Variants in DOK5 observed in about 807,000 individuals in gnomAD.
DOK5 encodes docking protein 5, also known as downstream of tyrosine kinase 5.
Under a neutral mutation model 43.3 loss-of-function variants are expected in DOK5, and 27 were observed. The observed-to-expected ratio is 0.62, with a 90% CI of 0.46 to 0.86. The LOEUF (loss-of-function observed/expected upper bound fraction) is 0.86, where lower values mean the gene tolerates loss of function less well. Among genes scored for constraint, DOK5 ranks in the 40% least tolerant of loss-of-function variants. DOK5 has a pLI of 0.00. For missense variants in DOK5, 373 were observed against 392.9 expected (o/e 0.95, Z 0.43); for synonymous variants, 146 against 140.1 (o/e 1.04, Z -0.30).
At chr20:54,603,926 C>T (rs991486832) in intron 5 of DOK5, among the ~76,000 whole-genome samples, 2 of 145,842 alleles carry the variant, frequency 1.4e-5, no homozygotes, top group African/African-American at 5.1e-5. Context: ...TTGTACTCCA[C>T]TTGTTCAAAC....
intron 5 of DOK5, among the ~76,000 whole-genome samples, chr20:54,601,120 C>A (rs1361647289): frequency 6.6e-6 from 1 of 152,168 alleles, no homozygotes; most frequent in African/African-American, 2.4e-5. Flanking sequence ...TAGGGACCCT[C>A]CAGGAGCAGC....
chr20:54,499,149 T>A (rs866847022), intron 1 of DOK5, among the ~76,000 whole-genome samples: 32 of 152,338 alleles, frequency 2.1e-4, no homozygotes, highest in African/African-American at 7.0e-4. Context: ...AATTAATTCT[T>A]AATTTAACTC....
At chr20:54,645,556 C>T (rs1979372155) in intron 7 of DOK5, among the ~76,000 whole-genome samples, 1 of 152,142 alleles carries the variant, frequency 6.6e-6, no homozygotes, top group South Asian at 2.1e-4. Flanking sequence ...AACTCCTGCT[C>T]ACCTCCAGGT....
At chr20:54,610,616 T>A (rs1986616528) in intron 6 of DOK5, 93 bp downstream of exon 6, 1 of 1,269,326 alleles carries the variant, frequency 7.9e-7, no homozygotes, top group African/African-American at 1.5e-5. Flanking sequence ...TCAGCATTAT[T>A]TGAGCAGATG....
intron 1 of DOK5, among the ~76,000 whole-genome samples, chr20:54,488,569 AAG>A (rs1982033107): frequency 6.6e-6 from 1 of 151,826 alleles, no homozygotes; most frequent in African/African-American, 2.4e-5. Context: ...TTTCTTCTGT[AAG>A]AGAGGGAATG....
rs773950597 is a variant in DOK5, at chr20:54,588,537, A to G, written c.229A>G (p.Lys77Glu). ...AGCTCGATTGCCAAAAAGCACCAAG[A>G]AACATGCCATAGGGATTTATTTCAA... is the stretch of plus-strand genomic sequence containing the variant. ...NVARLPKSTK[K>E]HAIGIYFNDD... The change falls in exon 3 of 8, where the codon AAA becomes GAA. Residue 77 changes from lysine to glutamate, a missense_variant. Coordinates refer to ENST00000262593, the MANE Select transcript of DOK5 (RefSeq NM_018431.5). 3 of 1,614,064 alleles carry G rather than the reference A, an allele frequency of 1.9e-6. No homozygotes were observed. Among genetic ancestry groups the G allele is most frequent in the Admixed American group, 1.7e-5 (1 of 60,008 alleles).
intron 2 of DOK5, among the ~76,000 whole-genome samples, chr20:54,573,997 T>C (rs1985376494): frequency 6.6e-6 from 1 of 152,186 alleles, no homozygotes; most frequent in African/African-American, 2.4e-5. Context: ...GACTGATTTT[T>C]CAGGCAGTGC....
chr20:54,519,497 T>A (rs1983318038), intron 1 of DOK5, among the ~76,000 whole-genome samples: 2 of 152,220 alleles, frequency 1.3e-5, no homozygotes, highest in Non-Finnish European at 2.9e-5. Context: ...AAAGTTACTA[T>A]TGCCCATATC....
chr20:54,515,165 C>G (rs916322569), intron 1 of DOK5, among the ~76,000 whole-genome samples: 1 of 152,018 alleles, frequency 6.6e-6, no homozygotes, highest in African/African-American at 2.4e-5. Context: ...CGCCCGCCAC[C>G]ACACCCAGCT....
At chr20:54,597,368 A>C (rs1986175155) in intron 5 of DOK5, among the ~76,000 whole-genome samples, 1 of 152,190 alleles carries the variant, frequency 6.6e-6, no homozygotes. Flanking sequence ...ACAGGCACAG[A>C]ATAGTCCTTG....
intron 7 of DOK5, among the ~76,000 whole-genome samples, chr20:54,647,334 A>T (rs1384041441): frequency 6.6e-6 from 1 of 151,822 alleles, no homozygotes; most frequent in Admixed American, 6.6e-5. Flanking sequence ...GTGAAACCCC[A>T]CCTCTACTAA....
intron 1 of DOK5, among the ~76,000 whole-genome samples, chr20:54,524,015 C>T (rs1983500179): frequency 6.6e-6 from 1 of 152,156 alleles, no homozygotes. Context: ...AAAAGTTGTT[C>T]TGGGACTAAA....
At chr20:54,484,623 T>C (rs954823084) in intron 1 of DOK5, among the ~76,000 whole-genome samples, 1 of 152,182 alleles carries the variant, frequency 6.6e-6, no homozygotes, top group Admixed American at 6.5e-5. Context: ...ACAGTCTTCT[T>C]ATATAGCTGC....
chr20:54,480,947 CTATCATCT>C lies in DOK5; in HGVS notation c.66+4936_66+4943del, dbSNP rs1353714907. On this transcript the variant is annotated intron_variant, in intron 1 of 7. Transcript: ENST00000262593. ...TATCAATCATCTATCATCTATCTAT[CTATCATCT>C]ATCTATCATCTATCATCTATCTATC... Among the ~76,000 whole-genome samples the C allele has an allele frequency of 3.5e-4, 50 of 141,516 alleles. 1 individual carries two copies. Among genetic ancestry groups the C allele is most frequent in the Admixed American group, 2.0e-3 (28 of 14,356 alleles). The allele number at this position is 141,516 out of a possible 152,430, so 92.8% of individuals were successfully genotyped here. A position where few individuals can be genotyped will look rare whatever the true frequency, so the allele number is the denominator to read the frequency against.
At chr20:54,516,304 T>G (rs1478282315) in intron 1 of DOK5, among the ~76,000 whole-genome samples, 1 of 152,222 alleles carries the variant, frequency 6.6e-6, no homozygotes, top group African/African-American at 2.4e-5. Context: ...GTTGTTTTAT[T>G]CAAATTGGGG....
At chr20:54,613,565 T>C (rs1378903518) in intron 6 of DOK5, among the ~76,000 whole-genome samples, 1 of 151,450 alleles carries the variant, frequency 6.6e-6, no homozygotes, top group Non-Finnish European at 1.5e-5. Flanking sequence ...ATGTAGAAAA[T>C]AGAATTATAT....
chr20:54,636,862 C>T (rs185779488), intron 6 of DOK5, among the ~76,000 whole-genome samples: 78 of 152,254 alleles, frequency 5.1e-4, no homozygotes, highest in East Asian at 3.3e-3. Flanking sequence ...TGAAAGGTTT[C>T]GCCTCCCAAA....
In DOK5 at chr20:54,546,229, T is replaced by C. The variant is rs989632891; in HGVS notation, c.67-8704T>C. On this transcript the variant is annotated intron_variant, in intron 1 of 7. Transcript: ENST00000262593. ...GGATGACTAATTGAAATAATGCATA[T>C]AAAAGGCTCAGCATTCCACAGTGCG... 4.6e-5 allele frequency among the ~76,000 whole-genome samples: 7 copies of C among 152,156 alleles called. No homozygotes were observed. The South Asian group carries it at 1.4e-3, about 31-fold the overall frequency.
intron 1 of DOK5, among the ~76,000 whole-genome samples, chr20:54,535,699 G>C (rs1475842270): frequency 6.6e-6 from 1 of 152,104 alleles, no homozygotes; most frequent in Non-Finnish European, 1.5e-5. Context: ...CAAATGGCCA[G>C]CAGAGCCCTT....
Sources: gnomAD v4.1 joint callset for allele counts (sites outside exome capture counted in the v4.1 genomes callset) on GRCh38, gnomAD v4.1.1 for gene constraint, MANE v1.5 for transcripts, NCBI Gene and HGNC (gene_info 2026-07-23, HGNC 2026-07-21) for gene names.